CXCL16: variants seen among roughly 807,000 people sequenced by gnomAD.
CXCL16 encodes the protein C-X-C motif chemokine ligand 16.
Under a neutral mutation model 23.8 loss-of-function variants are expected in CXCL16, and 18 were observed. The observed-to-expected ratio is 0.76, with a 90% CI of 0.52 to 1.12. The LOEUF (loss-of-function observed/expected upper bound fraction) is 1.12. CXCL16 is among the 50% of genes most tolerant of loss of function. The pLI, the probability that CXCL16 is intolerant of heterozygous loss-of-function variation, is 0.00. For synonymous variants in CXCL16, 123 were observed against 132.5 expected, an observed-to-expected ratio of 0.93 and a Z score of 0.49; for missense variants, 297 against 315.4, an observed-to-expected ratio of 0.94 and a Z score of 0.44.
intron 4 of CXCL16, 150 bp downstream of exon 4, chr17:4,734,942 T>A: frequency 2.6e-6 from 2 of 765,378 alleles, no homozygotes; most frequent in Non-Finnish European, 4.2e-6. Flanking sequence ...CGACTGACTG[T>A]CCTCAGAGGG....
chr17:4,738,608 A>G lies in CXCL16; in HGVS notation c.219-118T>C. On this transcript the variant is annotated intron_variant, in intron 2 of 5. Coordinates refer to ENST00000293778, the MANE Select transcript of CXCL16 (RefSeq NM_001386809.1). This position sits in a 1 kb window ranked among gnomAD's most constrained non-coding sequence, Gnocchi z 4.0. ...GAGCCCTTTCTCCTGGGACTGGGAA[A>G]CTCCCCAGTAGGTGAGACGGAGTCA... 1 of 996,486 alleles carries G rather than the reference A, an allele frequency of 1.0e-6. No homozygotes were observed. Among genetic ancestry groups the G allele is most frequent in the Non-Finnish European group, 1.5e-6 (1 of 667,168 alleles). The allele number at this position is 996,486 out of a possible 1,614,324, so 61.7% of individuals were successfully genotyped here.
chr17:4,739,565 G>T lies in CXCL16; in HGVS notation c.-226C>A. The T allele has an allele frequency of 1.4e-6, 1 of 694,410 alleles. No homozygotes were observed. Among genetic ancestry groups the T allele is most frequent in the Non-Finnish European group, 2.3e-6 (1 of 443,962 alleles). 43.0% of individuals were successfully genotyped at this position (694,410 alleles called of 1,614,324 possible). On this transcript the variant is annotated 5_prime_UTR_variant, in exon 1 of 6. Transcript: ENST00000293778. This position sits in a 1 kb window ranked among gnomAD's most constrained non-coding sequence, Gnocchi z 5.3. ...ATGCCAGCCTCTGGACGCAGGGAAA[G>T]CCGAGGAGGTGGAGCTCCCGCGCCC...
At position 4,739,867 on chromosome 17, in the gene CXCL16, GGA is replaced by G. The variant is rs1003115937; in HGVS notation, c.-530_-529del. On this transcript the variant is annotated 5_prime_UTR_variant, in exon 1 of 6. Transcript: ENST00000293778. This position sits in a 1 kb window ranked among gnomAD's most constrained non-coding sequence, Gnocchi z 5.3. ...GCATGAGCCTCCCGGGCGGCCCGGT[GGA>G]GAGAGTCGCCGCCAGCCCCGGCCGC... 1.6e-5 allele frequency: 16 copies of G among 986,166 alleles called. No individual in the cohort carries two copies. Among genetic ancestry groups the G allele is most frequent in the Non-Finnish European group, 1.9e-5 (16 of 830,586 alleles). 61.1% of individuals were successfully genotyped at this position (986,166 alleles called of 1,614,324 possible). A position where few individuals can be genotyped will look rare whatever the true frequency, so the allele number is the denominator to read the frequency against.
intron 4 of CXCL16, 47 bp downstream of exon 4, chr17:4,735,045 A>C (rs1916108544): frequency 1.3e-6 from 2 of 1,545,134 alleles, no homozygotes; most frequent in African/African-American, 1.4e-5. Flanking sequence ...GATGCCTGTC[A>C]GGAAGGCTCT....
rs764247373 is a variant in CXCL16 at position 4,735,426 on chromosome 17, C to G, written c.384G>C (p.Glu128Asp). ...GGGTGTGGATATCTGAAGATGCCCC[C>G]TCTGAGGCCTGAGAAATTGGGGGGC... ...PTSPPISQAS[E>D]GASSDIHTPA... The change falls in exon 4 of 6, where the codon GAG becomes GAC. Residue 128 changes from glutamate (E) to aspartate (D), a missense_variant. By Grantham distance (45) the Glu-to-Asp change is conservative (BLOSUM62 2). Coordinates refer to ENST00000293778, the MANE Select transcript of CXCL16 (RefSeq NM_001386809.1). 1 of 1,526,322 alleles carries G rather than the reference C, an allele frequency of 6.6e-7. No homozygotes were observed. Among genetic ancestry groups the G allele is most frequent in the Non-Finnish European group, 8.8e-7 (1 of 1,132,744 alleles). The allele number at this position is 1,526,322 out of a possible 1,614,324, so 94.5% of individuals were successfully genotyped here. A position where few individuals can be genotyped will look rare whatever the true frequency, so the allele number is the denominator to read the frequency against.
chr17:4,734,315 C>A lies in CXCL16; in HGVS notation c.*188G>T. On this transcript the variant is annotated 3_prime_UTR_variant, in exon 6 of 6. Transcript: ENST00000293778. The stretch of plus-strand genomic sequence containing the variant: ...GTATAACCGTTTTTAAATGAGGGGC[C>A]TAAGAGAGGGCAGTGGCTGGTTAGT... 1 of 290,850 alleles carries A rather than the reference C, an allele frequency of 3.4e-6. No individual in the cohort carries two copies. The highest frequency in any genetic ancestry group is 6.6e-6 in the Non-Finnish European group (1 of 150,696). The allele number at this position is 290,850 out of a possible 1,614,324, so 18.0% of individuals were successfully genotyped here. A position where few individuals can be genotyped will look rare whatever the true frequency, so the allele number is the denominator to read the frequency against.
At chr17:4,735,943 T>C (rs963751022) in intron 3 of CXCL16, among the ~76,000 whole-genome samples, 2 of 152,036 alleles carry the variant, frequency 1.3e-5, no homozygotes, top group African/African-American at 4.8e-5. Flanking sequence ...CATGGTGTCA[T>C]GTGCCTGTAA....
rs772388107 is a variant in CXCL16 at position 4,734,639 on chromosome 17, A to G, written c.732T>C (p.His244=). 2 of 1,611,890 alleles carry G rather than the reference A, an allele frequency of 1.2e-6. No homozygotes were observed. ...SPQSSPDLPV[H]YIPVAPDSNT is the part of the protein sequence containing the mutation. ...TAGAGTCAGGTGCCACAGGTATATA[A>G]TGAACCGGCAGATCTGGAAAGGATA... Residue 244 remains histidine, a synonymous_variant, in exon 5 of 6, where the codon CAT becomes CAC. Transcript: ENST00000293778.
At position 4,739,095 on chromosome 17, in the gene CXCL16, GC is replaced by G; in HGVS notation, c.79+165del. 1 of 1,198,738 alleles carries G rather than the reference GC, an allele frequency of 8.3e-7. No individual in the cohort carries two copies. The highest frequency in any genetic ancestry group is 1.2e-6 in the Non-Finnish European group (1 of 864,788). 74.3% of individuals were successfully genotyped at this position (1,198,738 alleles called of 1,614,324 possible). A position where few individuals can be genotyped will look rare whatever the true frequency, so the allele number is the denominator to read the frequency against. ...GACAACATCCATAATCCCGCCCGGA[GC>G]CAGGCGTCCCCGGGCCTCTGTCCCC... is the stretch of plus-strand genomic sequence containing the variant. On this transcript the variant is annotated intron_variant, in intron 1 of 5. Coordinates refer to ENST00000293778, the MANE Select transcript of CXCL16 (RefSeq NM_001386809.1). This position sits in a 1 kb window ranked among gnomAD's most constrained non-coding sequence, Gnocchi z 5.3.
rs1236400158 is a variant in CXCL16, at chr17:4,735,525, T to C, written c.302-17A>G. 6.7e-7 allele frequency: 1 copy of C among 1,497,510 alleles called. No homozygotes were observed. Among genetic ancestry groups the C allele is most frequent in the Admixed American group, 2.3e-5 (1 of 42,992 alleles). 92.8% of individuals were successfully genotyped at this position (1,497,510 alleles called of 1,614,324 possible). ...GTCCACATTCTGGAAAGGAAAGAAA[T>C]GAGGAATCAGGACTATCAGGAGACA... On this transcript the variant is annotated splice_polypyrimidine_tract_variant and intron_variant, in intron 3 of 5. Transcript: ENST00000293778.
Position 4,735,155 on chromosome 17 carries a change from T to C in CXCL16, c.655A>G (p.Thr219Ala). 6.2e-7 allele frequency: 1 copy of C among 1,613,912 alleles called. No individual in the cohort carries two copies. The highest frequency in any genetic ancestry group is 8.5e-7 in the Non-Finnish European group (1 of 1,179,952). ...LCLLAIIFIL[T>A]AALSYVLCKR... The stretch of plus-strand genomic sequence containing the variant: ...CACAGCACATAGGAAAGGGCTGCGG[T>C]GAGGATGAAGATGATGGCCAGGAGG... The change falls in exon 4 of 6, where the codon ACC becomes GCC. Residue 219 changes from threonine to alanine, a missense_variant. Physicochemically the swap from Thr to Ala is moderately conservative, Grantham distance 58. Transcript: ENST00000293778.
Position 4,739,876 on chromosome 17 carries a change from C to A in CXCL16, c.-537G>T. 1 of 985,828 alleles carries A rather than the reference C, an allele frequency of 1.0e-6. No homozygotes were observed. The highest frequency in any genetic ancestry group is 1.2e-6 in the Non-Finnish European group (1 of 830,326). 61.1% of individuals were successfully genotyped at this position (985,828 alleles called of 1,614,324 possible). ...TCCCGGGCGGCCCGGTGGAGAGAGT[C>A]GCCGCCAGCCCCGGCCGCGCGCACC... On this transcript the variant is annotated 5_prime_UTR_variant, in exon 1 of 6. Coordinates refer to ENST00000293778, the MANE Select transcript of CXCL16 (RefSeq NM_001386809.1). This position sits in a 1 kb window ranked among gnomAD's most constrained non-coding sequence, Gnocchi z 5.3.
chr17:4,735,961 T>G (rs1485194127), intron 3 of CXCL16, among the ~76,000 whole-genome samples: 1 of 151,904 alleles, frequency 6.6e-6, no homozygotes, highest in Non-Finnish European at 1.5e-5. Flanking sequence ...TAATCCCAGC[T>G]ACATGGGAGG....
intron 5 of CXCL16, 44 bp from the exon 6 acceptor site, chr17:4,734,523 C>T (rs1031560882): frequency 2.7e-6 from 3 of 1,118,014 alleles, no homozygotes; most frequent in East Asian, 2.4e-5. Context: ...CAGTGCCTAC[C>T]ATGTTGTCAG....
chr17:4,739,326 A>C lies in CXCL16; in HGVS notation c.14T>G (p.Leu5Trp). 6.2e-7 allele frequency: 1 copy of C among 1,612,854 alleles called. No homozygotes were observed. The highest frequency in any genetic ancestry group is 8.5e-7 in the Non-Finnish European group (1 of 1,179,572). ...CAGGAGCACGCGGGACCCGGGCCGC[A>C]AGTCCCGTCCCATCTCGGGGCTCCG... MGRDLRPGSRVLLLL... is the reference protein window; with the variant it reads MGRDWRPGSRVLLLL... Residue 5 changes from leucine (L) to tryptophan (W), a missense_variant, in exon 1 of 6, where the codon TTG becomes TGG. By Grantham distance (61) the Leu-to-Trp change is moderately conservative (BLOSUM62 -2). Transcript: ENST00000293778. The surrounding 1 kb of genome is among the most constrained non-coding windows in gnomAD (Gnocchi z 5.3).
chr17:4,734,290 G>A lies in CXCL16; in HGVS notation c.*213C>T, dbSNP rs962688202. On this transcript the variant is annotated 3_prime_UTR_variant, in exon 6 of 6. Transcript: ENST00000293778. ...CCCAGTGTGAAAAGCAGATTTTATA[G>A]TATAACCGTTTTTAAATGAGGGGCC... 10 of 234,146 alleles carry A rather than the reference G, an allele frequency of 4.3e-5. No individual in the cohort carries two copies. Among genetic ancestry groups the A allele is most frequent in the Non-Finnish European group, 7.8e-5 (9 of 116,124 alleles). The allele number at this position is 234,146 out of a possible 1,614,324, so 14.5% of individuals were successfully genotyped here. A position where few individuals can be genotyped will look rare whatever the true frequency, so the allele number is the denominator to read the frequency against.
chr17:4,739,858 CGG>C lies in CXCL16; in HGVS notation c.-521_-520del, dbSNP rs1916299703. The C allele has an allele frequency of 5.8e-5, 57 of 987,076 alleles. No homozygotes were observed. The highest frequency in any genetic ancestry group is 1.4e-4 in the South Asian group (3 of 21,636). 61.1% of individuals were successfully genotyped at this position (987,076 alleles called of 1,614,324 possible). ...AGCCGCGCTGCATGAGCCTCCCGGG[CGG>C]CCCGGTGGAGAGAGTCGCCGCCAGC... is the stretch of plus-strand genomic sequence containing the variant. On this transcript the variant is annotated 5_prime_UTR_variant, in exon 1 of 6. Transcript: ENST00000293778. This position sits in a 1 kb window ranked among gnomAD's most constrained non-coding sequence, Gnocchi z 5.3.
Position 4,739,523 on chromosome 17 carries a change from A to C in CXCL16, c.-184T>G. On this transcript the variant is annotated 5_prime_UTR_variant, in exon 1 of 6. The change abolishes the stop of an existing upstream ORF in the 5' untranslated region. Coordinates refer to ENST00000293778, the MANE Select transcript of CXCL16 (RefSeq NM_001386809.1). This position sits in a 1 kb window ranked among gnomAD's most constrained non-coding sequence, Gnocchi z 5.3. Reference sequence around the variant, plus strand: ...CCTGCTGTGCCCCGACCGTGCGCTCAGTACTCGGCCCGCGCCATGCCAGCC... The same window carrying C: ...CCTGCTGTGCCCCGACCGTGCGCTCCGTACTCGGCCCGCGCCATGCCAGCC... The C allele has an allele frequency of 1.2e-6, 1 of 866,544 alleles. No individual in the cohort carries two copies. Among genetic ancestry groups the C allele is most frequent in the South Asian group, 1.6e-5 (1 of 61,250 alleles). The allele number at this position is 866,544 out of a possible 1,614,324, so 53.7% of individuals were successfully genotyped here.
rs1567694815 is a variant in CXCL16 at position 4,735,279 on chromosome 17, G to A, written c.531C>T (p.His177=). The change falls in exon 4 of 6, where the codon CAC becomes CAT. Residue 177 remains histidine (H), a synonymous_variant. Transcript: ENST00000293778. Reference sequence around the variant, plus strand: ...CAGCCTCAGGCCCAGCTGCCAGACTGTGGCCCGCAGTGTGAATGGTGGTTT... The same window carrying A: ...CAGCCTCAGGCCCAGCTGCCAGACTATGGCCCGCAGTGTGAATGGTGGTTT... ...PNETTIHTAG[H]SLAAGPEAGE... 3.5e-5 allele frequency: 56 copies of A among 1,614,182 alleles called. No individual in the cohort carries two copies. Among genetic ancestry groups the A allele is most frequent in the Non-Finnish European group, 4.7e-5 (56 of 1,180,018 alleles).
Sources: allele counts gnomAD v4.1 joint callset (sites outside exome capture counted in the v4.1 genomes callset), GRCh38; gene constraint gnomAD v4.1.1; non-coding constraint Gnocchi (gnomAD v3.1); transcripts MANE v1.5; gene names NCBI Gene and HGNC (gene_info 2026-07-23, HGNC 2026-07-21).